Variants in HMCN1 observed in about 807,000 individuals in gnomAD.
The protein encoded by HMCN1 is hemicentin-1.
In HMCN1, 321 loss-of-function variants were observed where a neutral mutation model predicts 625.9. The ratio of observed to expected loss-of-function variants is 0.51; its 90% CI spans 0.47 to 0.56. HMCN1 has a LOEUF of 0.56. Among genes scored for constraint, HMCN1 ranks in the 20% least tolerant of loss-of-function variants. The pLI is 0.00. For missense variants in HMCN1, 6,588 were observed against 6,887.3 expected (o/e 0.96, Z 1.54); for synonymous variants, 2,425 against 2,417.6 (o/e 1.00, Z -0.09).
In HMCN1 at chr1:185,994,883, T is replaced by G; in HGVS notation, c.3574T>G (p.Cys1192Gly). 6.2e-7 allele frequency: 1 copy of G among 1,613,740 alleles called. No homozygotes were observed. The highest frequency in any genetic ancestry group is 8.5e-7 in the Non-Finnish European group (1 of 1,179,744). The change falls in exon 24 of 107, where the codon TGT (cysteine) becomes GGT (glycine). Residue 1192 changes from cysteine (C) to glycine (G), a missense_variant. By Grantham distance (159) the Cys-to-Gly change is radical (BLOSUM62 -3). Around this residue, in one of 3 missense-constraint regions of HMCN1, gnomAD observed 4,628 missense variants for 4,853.1 expected, o/e 0.95. Coordinates refer to ENST00000271588, the MANE Select transcript of HMCN1 (RefSeq NM_031935.3). ...AGTTGGTCAAAGAGTGGATATTCCA[T>G]GTAATGCTCAAGGGACTCCTCTTCC... ...VQVGQRVDIPCNAQGTPLPVI... is the reference protein window; with the variant it reads ...VQVGQRVDIPGNAQGTPLPVI...
intron 32 of HMCN1, 40 bp from the exon 33 acceptor site, chr1:186,016,923 T>C (rs1199407007): frequency 2.8e-6 from 3 of 1,088,068 alleles, no homozygotes; most frequent in Non-Finnish European, 4.3e-6. Context: ...TTTTTTGTTG[T>C]ATACATTTCT....
At position 186,119,845 on chromosome 1, in the gene HMCN1, T is replaced by G. The variant is rs1027450992; in HGVS notation, c.12057T>G (p.Ile4019Met). Reference protein sequence around the residue: ...CEATGTPSPFITWQKEGINVN... With the variant: ...CEATGTPSPFMTWQKEGINVN... The stretch of plus-strand genomic sequence containing the variant: ...CAACAGGGACACCCAGTCCTTTCAT[T>G]ACTTGGCAAAAAGAAGGCATCAATG... The change falls in exon 79 of 107, where the codon ATT becomes ATG. Residue 4019 changes from isoleucine (I) to methionine (M), a missense_variant. Physicochemically the swap from Ile to Met is conservative, Grantham distance 10 (BLOSUM62 1). Around this residue, in one of 3 missense-constraint regions of HMCN1, gnomAD observed 6 missense variants for 21.1 expected, o/e 0.28. Coordinates refer to ENST00000271588, the MANE Select transcript of HMCN1 (RefSeq NM_031935.3). 2 of 1,613,982 alleles carry G rather than the reference T, an allele frequency of 1.2e-6. No individual in the cohort carries two copies. Among genetic ancestry groups the G allele is most frequent in the African/African-American group, 2.7e-5 (2 of 74,914 alleles).
chr1:185,816,346 T>C (rs1223220508), intron 1 of HMCN1, among the ~76,000 whole-genome samples: 1 of 152,192 alleles, frequency 6.6e-6, no homozygotes, highest in Admixed American at 6.5e-5. Flanking sequence ...CTTTGTACTT[T>C]GGGGATGTTT....
chr1:185,877,317 CTTTCTTTTTT>C, intron 4 of HMCN1, among the ~76,000 whole-genome samples: 1 of 42,720 alleles, frequency 2.3e-5, no homozygotes, highest in Admixed American at 2.8e-4. Flanking sequence ...ATCTATGTGT[CTTTCTTTTTT>C]TTTTTTTTTT....
In HMCN1 at chr1:186,086,312, T is replaced by G; in HGVS notation, c.8951T>G (p.Leu2984Trp). ...LTVVVNNFIS[L>W]TCEVSGFPPP... ...GTCGTGGTGAACAATTTCATCTCTT[T>G]GACCTGTGAGGTCTCTGGTTTTCCA... Residue 2984 changes from leucine (L) to tryptophan (W), a missense_variant, in exon 58 of 107, where the codon TTG becomes TGG. Physicochemically the swap from Leu to Trp is moderately conservative, Grantham distance 61. Coordinates refer to ENST00000271588, the MANE Select transcript of HMCN1 (RefSeq NM_031935.3). The G allele has an allele frequency of 6.2e-7, 1 of 1,613,356 alleles. No individual in the cohort carries two copies. The highest frequency in any genetic ancestry group is 8.5e-7 in the Non-Finnish European group (1 of 1,179,508).
intron 1 of HMCN1, among the ~76,000 whole-genome samples, chr1:185,787,871 T>A (rs116781988): frequency 0.031 from 4,710 of 152,306 alleles, 222 homozygotes; most frequent in African/African-American, 0.1. Context: ...AGAGGTCAGA[T>A]AACTTAATAA....
At position 186,103,656 on chromosome 1, in the gene HMCN1, T is replaced by C; in HGVS notation, c.10758T>C (p.Ile3586=). 1 of 1,613,616 alleles carries C rather than the reference T, an allele frequency of 6.2e-7. No individual in the cohort carries two copies. The highest frequency in any genetic ancestry group is 8.5e-7 in the Non-Finnish European group (1 of 1,179,632). Residue 3586 remains isoleucine (I), a synonymous_variant, in exon 69 of 107, where the codon ATT becomes ATC. Coordinates refer to ENST00000271588, the MANE Select transcript of HMCN1 (RefSeq NM_031935.3). ...TAGGAGGAGGAGAGGTTCTTCGAAT[T>C]TCTACTGCTCAGGTAAGTGTCAAAG... is the stretch of plus-strand genomic sequence containing the variant. ...QTLGGGEVLR[I]STAQVEDTGR...
intron 1 of HMCN1, among the ~76,000 whole-genome samples, chr1:185,748,452 A>G (rs1654578690): frequency 6.6e-6 from 1 of 152,214 alleles, no homozygotes; most frequent in Non-Finnish European, 1.5e-5. Context: ...CTTTCCTGGA[A>G]TATTAGAAAA....
intron 82 of HMCN1, among the ~76,000 whole-genome samples, chr1:186,126,634 A>C (rs1661659641): frequency 6.6e-6 from 1 of 152,114 alleles, no homozygotes; most frequent in South Asian, 2.1e-4. Context: ...CCGGGGGAAA[A>C]ACAAAAATAG....
intron 1 of HMCN1, among the ~76,000 whole-genome samples, chr1:185,771,721 T>C (rs1353331385): frequency 3.3e-5 from 5 of 152,122 alleles, no homozygotes; most frequent in Admixed American, 3.3e-4. Flanking sequence ...TTCAAGTCAA[T>C]CCATTTCAAG....
intron 4 of HMCN1, among the ~76,000 whole-genome samples, chr1:185,907,184 C>T (rs1488167610): frequency 6.6e-6 from 1 of 151,866 alleles, no homozygotes; most frequent in Non-Finnish European, 1.5e-5. Flanking sequence ...GCATCTGCTT[C>T]TTTAAACAAA....
intron 71 of HMCN1, 149 bp downstream of exon 71, chr1:186,108,746 T>C: frequency 1.0e-6 from 1 of 978,066 alleles, no homozygotes. Context: ...GGTTTTTAAA[T>C]TAGCTTTATT....
chr1:185,750,413 A>G (rs147554270), intron 1 of HMCN1, among the ~76,000 whole-genome samples: 169 of 152,296 alleles, frequency 1.1e-3, no homozygotes, highest in African/African-American at 3.8e-3. Flanking sequence ...TAAAAGTTAT[A>G]TTAAATGTTC....
intron 1 of HMCN1, among the ~76,000 whole-genome samples, chr1:185,830,432 G>A (rs1391880315): frequency 6.6e-6 from 1 of 152,144 alleles, no homozygotes; most frequent in African/African-American, 2.4e-5. Context: ...TGTATAAGGT[G>A]TAAGGAAGGG....
At chr1:186,151,875 A>C (rs1219437184) in intron 95 of HMCN1, 132 bp downstream of exon 95, 3 of 898,444 alleles carry the variant, frequency 3.3e-6, no homozygotes, top group Non-Finnish European at 5.2e-6. Flanking sequence ...ATATAAAAGC[A>C]ATTTCATGTT....
intron 34 of HMCN1, 80 bp downstream of exon 34, chr1:186,018,432 C>A: frequency 7.6e-7 from 1 of 1,311,234 alleles, no homozygotes; most frequent in Non-Finnish European, 1.1e-6. Context: ...GATTGTAGCT[C>A]AATAATGTGA....
chr1:185,908,311 T>C (rs930316823), intron 4 of HMCN1, among the ~76,000 whole-genome samples: 2 of 151,996 alleles, frequency 1.3e-5, no homozygotes, highest in Non-Finnish European at 2.9e-5. Flanking sequence ...ATGTGACCAC[T>C]TACACCTAAA....
intron 100 of HMCN1, among the ~76,000 whole-genome samples, chr1:186,167,375 A>C (rs58758627): frequency 0.077 from 11,770 of 152,206 alleles, 1,199 homozygotes; most frequent in African/African-American, 0.24. Context: ...AATTGAGTAG[A>C]AAGTACATAG....
At chr1:185,967,180 A>T (rs776360083) in intron 14 of HMCN1, among the ~76,000 whole-genome samples, 4 of 152,166 alleles carry the variant, frequency 2.6e-5, no homozygotes, top group Non-Finnish European at 5.9e-5. Flanking sequence ...TCATGAAAAT[A>T]AAAATTCAAA....
Sources: gnomAD v4.1 joint callset for allele counts (sites outside exome capture counted in the v4.1 genomes callset) on GRCh38, gnomAD v4.1.1 for gene constraint, gnomAD v4.1.1 regional missense constraint, MANE v1.5 for transcripts, NCBI Gene and HGNC (gene_info 2026-07-23, HGNC 2026-07-21) for gene names.